Variants in ASIC2 observed in about 807,000 individuals in gnomAD.
ASIC2 encodes acid-sensing ion channel 2.
A neutral mutation model predicts 57.3 loss-of-function variants in ASIC2; 25 were observed. The ratio of observed to expected loss-of-function variants is 0.44; its 90% CI spans 0.32 to 0.61. ASIC2 has a LOEUF of 0.61. Ranked by LOEUF, ASIC2 falls within the 20% of genes least tolerant of loss-of-function variation. ASIC2 has a pLI of 0.06. For synonymous variants in ASIC2, 319 were observed against 307.5 expected (o/e 1.04, Z -0.39); for missense variants, 641 against 738.1 (o/e 0.87, Z 1.52).
chr17:33,758,103 C>T lies in ASIC2; in HGVS notation c.555+397875G>A, dbSNP rs546364335. 8.5e-5 allele frequency among the ~76,000 whole-genome samples: 13 copies of T among 152,230 alleles called. No individual in the cohort carries two copies. The South Asian group carries it at 1.2e-3, about 15-fold the overall frequency. On this transcript the variant is annotated intron_variant, in intron 1 of 9. Transcript: ENST00000359872. Reference sequence around the variant, plus strand: ...TGACTTGCTGCAGTATTCACAAAACCGCAAACACTGTACATGGTGGCTGAA... The same window carrying T: ...TGACTTGCTGCAGTATTCACAAAACTGCAAACACTGTACATGGTGGCTGAA...
intron 1 of ASIC2, among the ~76,000 whole-genome samples, chr17:33,130,223 A>C (rs1202610190): frequency 6.6e-6 from 1 of 152,018 alleles, no homozygotes; most frequent in Non-Finnish European, 1.5e-5. Flanking sequence ...ATGTACATGA[A>C]TTTTTGCAAC....
At chr17:33,600,041 T>A (rs1905084000) in intron 1 of ASIC2, among the ~76,000 whole-genome samples, 1 of 152,144 alleles carries the variant, frequency 6.6e-6, no homozygotes, top group African/African-American at 2.4e-5. Context: ...CCCCATCATC[T>A]CTCTCTGGTC....
At chr17:33,579,609 T>G (rs1246764874) in intron 1 of ASIC2, among the ~76,000 whole-genome samples, 3 of 151,798 alleles carry the variant, frequency 2.0e-5, no homozygotes, top group Admixed American at 6.5e-5. Flanking sequence ...GTCGGGAGTT[T>G]GTTCCTTCAG....
chr17:33,094,712 C>G (rs1451291505), intron 2 of ASIC2, among the ~76,000 whole-genome samples: 1 of 152,102 alleles, frequency 6.6e-6, no homozygotes, highest in Non-Finnish European at 1.5e-5. Flanking sequence ...GGAAGTTCAC[C>G]CTTATTTTGG....
chr17:34,013,940 C>T (rs73986809), intron 1 of ASIC2, among the ~76,000 whole-genome samples: 1 of 152,090 alleles, frequency 6.6e-6, no homozygotes, highest in Non-Finnish European at 1.5e-5. Flanking sequence ...CAGATGGACA[C>T]CAGGCAGGTT....
At chr17:33,214,626 T>A (rs1009850388) in intron 1 of ASIC2, among the ~76,000 whole-genome samples, 2 of 152,228 alleles carry the variant, frequency 1.3e-5, no homozygotes, top group Admixed American at 1.3e-4. Context: ...GGAGATCTTG[T>A]TGAAATGCAG....
At chr17:33,862,332 C>T (rs941072238) in intron 1 of ASIC2, among the ~76,000 whole-genome samples, 2 of 152,108 alleles carry the variant, frequency 1.3e-5, no homozygotes, top group African/African-American at 4.8e-5. Flanking sequence ...ACAAAATCAT[C>T]GTAGATATAG....
intron 1 of ASIC2, among the ~76,000 whole-genome samples, chr17:33,255,091 G>A (rs750826301): frequency 1.4e-5 from 2 of 139,794 alleles, no homozygotes; most frequent in Non-Finnish European, 3.0e-5. Context: ...CCAGGCTGGA[G>A]TGCAGTGGCA....
intron 1 of ASIC2, among the ~76,000 whole-genome samples, chr17:33,964,924 A>G (rs1303477588): frequency 2.0e-5 from 3 of 152,200 alleles, no homozygotes; most frequent in South Asian, 4.2e-4. Flanking sequence ...GATTTCCAAG[A>G]GAGAAATGTT....
rs1008235786 is a variant in ASIC2, at chr17:33,813,223, G to T, written c.555+342755C>A. Among the ~76,000 whole-genome samples the T allele has an allele frequency of 8.9e-4, 135 of 152,200 alleles. 1 individual carries two copies. The highest frequency in any genetic ancestry group is 3.8e-4 in the Non-Finnish European group (26 of 67,996). On this transcript the variant is annotated intron_variant, in intron 1 of 9. Transcript: ENST00000359872. ...AGGACCCAGAGGTAGAGAGCAAAGAGCCCAGACTAGGGATATTAGTGACAT... is the reference window on the plus strand; with the variant it reads ...AGGACCCAGAGGTAGAGAGCAAAGATCCCAGACTAGGGATATTAGTGACAT...
chr17:34,119,217 T>A (rs1911519073), intron 1 of ASIC2, among the ~76,000 whole-genome samples: 1 of 151,702 alleles, frequency 6.6e-6, no homozygotes, highest in African/African-American at 2.4e-5. Context: ...GGCTTTGGAG[T>A]CACATGACAT....
intron 1 of ASIC2, among the ~76,000 whole-genome samples, chr17:33,960,590 A>C (rs1022708549): frequency 6.6e-6 from 1 of 152,174 alleles, no homozygotes; most frequent in Non-Finnish European, 1.5e-5. Context: ...TTCAATGATC[A>C]GGACCTTGCT....
chr17:33,292,783 C>T lies in ASIC2; in HGVS notation c.-668G>A, dbSNP rs1222319375. 5 of 985,810 alleles carry T rather than the reference C, an allele frequency of 5.1e-6. No individual in the cohort carries two copies. The highest frequency in any genetic ancestry group is 4.8e-6 in the Non-Finnish European group (4 of 830,380). The allele number at this position is 985,810 out of a possible 1,614,324, so 61.1% of individuals were successfully genotyped here. On this transcript the variant is annotated 5_prime_UTR_variant, in exon 1 of 10. Coordinates refer to ENST00000225823, the MANE Select transcript of ASIC2 (RefSeq NM_183377.2). ...CTTCTTTCCCTTCCCCTCCAGGACCCTTCCTTGTTACTGCTCCCTGGGCTG... is the reference window on the plus strand; with the variant it reads ...CTTCTTTCCCTTCCCCTCCAGGACCTTTCCTTGTTACTGCTCCCTGGGCTG...
intron 1 of ASIC2, among the ~76,000 whole-genome samples, chr17:33,717,965 T>A (rs947088001): frequency 2.0e-5 from 3 of 152,180 alleles, no homozygotes; most frequent in Non-Finnish European, 4.4e-5. Context: ...AGTGTTGAAG[T>A]GACCCAGACC....
chr17:33,402,793 G>A (rs1041069753), intron 1 of ASIC2, among the ~76,000 whole-genome samples: 2 of 152,118 alleles, frequency 1.3e-5, no homozygotes, highest in Non-Finnish European at 2.9e-5. Flanking sequence ...ATTCCTTTGG[G>A]TATATACTCA....
chr17:34,100,891 G>A (rs945701604), intron 1 of ASIC2, among the ~76,000 whole-genome samples: 52 of 152,092 alleles, frequency 3.4e-4, no homozygotes, highest in Admixed American at 2.9e-3. Flanking sequence ...GAAATATAAG[G>A]GCTATGGGGA....
chr17:34,021,843 T>C (rs867173644), intron 1 of ASIC2, among the ~76,000 whole-genome samples: 216 of 146,914 alleles, frequency 1.5e-3, no homozygotes, highest in Non-Finnish European at 2.2e-3. Context: ...TTTTGTTTTT[T>C]TTTTTTTTTT....
At chr17:33,985,175 CTCAG>C (rs1224947257) in intron 1 of ASIC2, among the ~76,000 whole-genome samples, 1 of 152,198 alleles carries the variant, frequency 6.6e-6, no homozygotes, top group Non-Finnish European at 1.5e-5. Flanking sequence ...GACATTTCAG[CTCAG>C]TCAGTCAGCT....
At position 33,246,551 on chromosome 17, in the gene ASIC2, G is replaced by T. The variant is rs138132932; in HGVS notation, c.708+44857C>A. ...GGTCGGGGAACTTCTGGGCAAATAGGCGCTGTGCCAGAGAGCCTTGCAAGG... is the reference window on the plus strand; with the variant it reads ...GGTCGGGGAACTTCTGGGCAAATAGTCGCTGTGCCAGAGAGCCTTGCAAGG... On this transcript the variant is annotated intron_variant, in intron 1 of 9. Transcript: ENST00000225823. 1.4e-4 allele frequency among the ~76,000 whole-genome samples: 21 copies of T among 152,282 alleles called. No individual in the cohort carries two copies. In the East Asian group the frequency reaches 4.1e-3, roughly 29 times the overall value.
Sources: allele counts gnomAD v4.1 joint callset (sites outside exome capture counted in the v4.1 genomes callset), GRCh38; gene constraint gnomAD v4.1.1; transcripts MANE v1.5; gene names NCBI Gene and HGNC (gene_info 2026-07-23, HGNC 2026-07-21).